UVRAG: variants seen among roughly 807,000 people sequenced by gnomAD.
UVRAG encodes UV radiation resistance associated.
UVRAG carries 19 observed loss-of-function variants against 78.0 expected under a neutral mutation model. That is an observed-to-expected ratio of 0.24 (90% CI 0.17 to 0.36). UVRAG has a LOEUF of 0.36. UVRAG is among the 10% of genes least tolerant of loss of function. The probability of loss-of-function intolerance (pLI) is 1.00; values close to 1 mark genes in which losing one functional copy is unlikely to be tolerated. For missense variants in UVRAG, 740 were observed against 853.8 expected (o/e 0.87, Z 1.66); for synonymous variants, 323 against 324.6 (o/e 1.00, Z 0.05).
Position 76,140,876 on chromosome 11 carries a change from C to G in UVRAG, c.1563C>G (p.Pro521=). ...GACTTCAGTACAAAACCCCTCCTCCCAGTTACAACTCAGCATTAGCCCAGC... is the reference window on the plus strand; with the variant it reads ...GACTTCAGTACAAAACCCCTCCTCCGAGTTACAACTCAGCATTAGCCCAGC... ...NERLQYKTPP[P]SYNSALAQPV... The change falls in exon 15 of 15, where the codon CCC becomes CCG. Residue 521 remains proline, a synonymous_variant. Transcript: ENST00000356136. 1.2e-6 allele frequency: 2 copies of G among 1,614,176 alleles called. No individual in the cohort carries two copies. The highest frequency in any genetic ancestry group is 1.7e-6 in the Non-Finnish European group (2 of 1,180,034).
intron 8 of UVRAG, among the ~76,000 whole-genome samples, chr11:75,994,092 G>GGA (rs981377854): frequency 9.2e-5 from 14 of 152,256 alleles, no homozygotes; most frequent in African/African-American, 3.1e-4. Context: ...CACAAGATTT[G>GGA]GAGGAGCACA....
intron 1 of UVRAG, among the ~76,000 whole-genome samples, chr11:75,822,618 A>C (rs77237565): frequency 0.01 from 1,573 of 151,286 alleles, 29 homozygotes; most frequent in African/African-American, 0.036. Context: ...GTCATTTACT[A>C]GAGCAGCTCA....
At chr11:75,858,132 AT>A (rs1224069505) in intron 2 of UVRAG, among the ~76,000 whole-genome samples, 19 of 148,918 alleles carry the variant, frequency 1.3e-4, no homozygotes, top group Non-Finnish European at 2.4e-4. Context: ...TTTTAATTTA[AT>A]TTTTTAATAG....
At chr11:76,051,799 T>G (rs1490487905) in intron 12 of UVRAG, among the ~76,000 whole-genome samples, 2 of 152,200 alleles carry the variant, frequency 1.3e-5, no homozygotes, top group Non-Finnish European at 2.9e-5. Flanking sequence ...CACATACGTC[T>G]CATATTTTCT....
chr11:76,049,571 G>A (rs1319597889), intron 12 of UVRAG, among the ~76,000 whole-genome samples: 1 of 152,192 alleles, frequency 6.6e-6, no homozygotes, highest in Non-Finnish European at 1.5e-5. Flanking sequence ...ACAAAATGGG[G>A]TTATTACTTG....
At chr11:75,995,368 T>TA (rs1480182161) in intron 8 of UVRAG, among the ~76,000 whole-genome samples, 1 of 152,110 alleles carries the variant, frequency 6.6e-6, no homozygotes, top group Admixed American at 6.5e-5. Context: ...AGAGGTCAGA[T>TA]ATGTCAGATT....
chr11:76,058,874 T>C (rs1225521162), intron 12 of UVRAG, among the ~76,000 whole-genome samples: 2 of 152,092 alleles, frequency 1.3e-5, no homozygotes, highest in African/African-American at 4.8e-5. Context: ...AGTATTTAGA[T>C]AGGAAAGCAA....
At chr11:75,820,434 A>C (rs1398894576) in intron 1 of UVRAG, among the ~76,000 whole-genome samples, 2 of 149,624 alleles carry the variant, frequency 1.3e-5, no homozygotes, top group African/African-American at 4.9e-5. Flanking sequence ...CGCTCACCGC[A>C]ACCTCCGCCT....
chr11:76,137,072 A>G (rs992486188), intron 14 of UVRAG: 2 of 190,632 alleles, frequency 1.0e-5, no homozygotes, highest in African/African-American at 4.7e-5. Flanking sequence ...AAAAAAATCA[A>G]TTCTGAACAG....
Position 75,874,533 on chromosome 11 carries a change from G to A in UVRAG, c.271-5346G>A, listed in dbSNP as rs186141411. Among the ~76,000 whole-genome samples the A allele has an allele frequency of 1.8e-3, 267 of 152,132 alleles. 2 individuals carry two copies. The highest frequency in any genetic ancestry group is 6.3e-3 in the African/African-American group (261 of 41,500). On this transcript the variant is annotated intron_variant, in intron 3 of 14. Transcript: ENST00000356136. ...TGGATTTGATGAAATATGGTATTTC[G>A]TCTTAACTATTAGAATTAACAAATT...
chr11:76,062,368 G>T (rs1951110447), intron 12 of UVRAG, among the ~76,000 whole-genome samples: 1 of 152,166 alleles, frequency 6.6e-6, no homozygotes, highest in African/African-American at 2.4e-5. Context: ...TGCATTGTTT[G>T]TGTTTGTCGC....
At chr11:75,910,493 C>A (rs1947710877) in intron 5 of UVRAG, among the ~76,000 whole-genome samples, 1 of 151,138 alleles carries the variant, frequency 6.6e-6, no homozygotes, top group African/African-American at 2.4e-5. Context: ...CTCCCCACCC[C>A]CCACTTTTTT....
At chr11:76,045,208 A>G (rs535612925) in intron 12 of UVRAG, among the ~76,000 whole-genome samples, 4 of 152,344 alleles carry the variant, frequency 2.6e-5, no homozygotes, top group East Asian at 1.9e-4. Flanking sequence ...GCCAGCTGAA[A>G]AAAGGAATTG....
chr11:75,978,050 G>T (rs888904300), intron 7 of UVRAG, among the ~76,000 whole-genome samples: 39 of 152,260 alleles, frequency 2.6e-4, no homozygotes, highest in African/African-American at 8.4e-4. Flanking sequence ...AGGAGCTCTT[G>T]TAGGGCAGGC....
chr11:76,052,826 T>C (rs1350991029), intron 12 of UVRAG, among the ~76,000 whole-genome samples: 2 of 152,106 alleles, frequency 1.3e-5, no homozygotes, highest in Non-Finnish European at 2.9e-5. Flanking sequence ...ATCTCATTCA[T>C]ACCTATGGCT....
At chr11:75,846,933 C>A (rs188752163) in intron 1 of UVRAG, among the ~76,000 whole-genome samples, 61 of 152,242 alleles carry the variant, frequency 4.0e-4, no homozygotes, top group African/African-American at 1.4e-3. Flanking sequence ...AGGCGATTCT[C>A]CTGCCTTAGC....
chr11:76,005,976 CTTG>C (rs1048879831), intron 9 of UVRAG, among the ~76,000 whole-genome samples: 2 of 135,380 alleles, frequency 1.5e-5, no homozygotes, highest in Non-Finnish European at 3.0e-5. Context: ...CTCATTAGAT[CTTG>C]TTGTGCAAGA....
At chr11:75,884,240 T>TCTTTCTCTCTCTCTCTCTCTCTC (rs1555080662) in intron 4 of UVRAG, among the ~76,000 whole-genome samples, 2 of 132,470 alleles carry the variant, frequency 1.5e-5, no homozygotes, top group African/African-American at 6.4e-5. Flanking sequence ...CTCTCTCTCT[T>TCTTTCTCTCTCTCTCTCTCTCTC]TCTCTCTCTC....
chr11:75,890,154 T>G (rs1299586104), intron 5 of UVRAG, among the ~76,000 whole-genome samples: 1 of 152,126 alleles, frequency 6.6e-6, no homozygotes, highest in Non-Finnish European at 1.5e-5. Flanking sequence ...ACGCAGAACT[T>G]TTAAAGGATT....
Sources: gnomAD v4.1 joint callset for allele counts (sites outside exome capture counted in the v4.1 genomes callset) on GRCh38, gnomAD v4.1.1 for gene constraint, MANE v1.5 for transcripts, NCBI Gene and HGNC (gene_info 2026-07-23, HGNC 2026-07-21) for gene names.